Variants in NEGR1 observed in about 807,000 individuals in gnomAD.
The protein encoded by NEGR1 is neuronal growth regulator 1.
In NEGR1, 10 loss-of-function variants were observed where a neutral mutation model predicts 40.9. That is an observed-to-expected ratio of 0.24 (90% CI 0.15 to 0.42). The LOEUF (loss-of-function observed/expected upper bound fraction) is 0.42. Among genes scored for constraint, NEGR1 ranks in the 10% least tolerant of loss-of-function variants. The pLI, the probability that NEGR1 is intolerant of heterozygous loss-of-function variation, is 1.00. For missense variants in NEGR1, 352 were observed against 438.9 expected (o/e 0.80, Z 1.77); for synonymous variants, 185 against 166.8 (o/e 1.11, Z -0.84).
intron 1 of NEGR1, among the ~76,000 whole-genome samples, chr1:72,095,964 T>A (rs1648680815): frequency 1.3e-5 from 2 of 152,210 alleles, no homozygotes; most frequent in South Asian, 4.1e-4. Context: ...AAATAGTGGA[T>A]TAAATATTTC....
intron 6 of NEGR1, among the ~76,000 whole-genome samples, chr1:71,436,229 CAA>C (rs376091954): frequency 7.3e-5 from 9 of 122,840 alleles, no homozygotes; most frequent in African/African-American, 5.8e-5. Flanking sequence ...GTGAATATGG[CAA>C]AAAAAAAAAA....
chr1:72,025,199 C>T (rs1646796122), intron 1 of NEGR1, among the ~76,000 whole-genome samples: 1 of 151,916 alleles, frequency 6.6e-6, no homozygotes, highest in Non-Finnish European at 1.5e-5. Context: ...TTGACTCCAT[C>T]AAAAAAAGCC....
chr1:71,849,456 A>C (rs541221115), intron 2 of NEGR1, among the ~76,000 whole-genome samples: 1 of 152,274 alleles, frequency 6.6e-6, no homozygotes, highest in African/African-American at 2.4e-5. Context: ...CGGATGAATA[A>C]AGAAAATGAT....
At chr1:71,802,150 G>A (rs887015495) in intron 2 of NEGR1, among the ~76,000 whole-genome samples, 2 of 152,176 alleles carry the variant, frequency 1.3e-5, no homozygotes, top group East Asian at 3.9e-4. Context: ...TGCAGCTTGG[G>A]TTTTCCTTAC....
intron 3 of NEGR1, among the ~76,000 whole-genome samples, chr1:71,743,934 G>A (rs144439198): frequency 7.9e-5 from 12 of 152,184 alleles, no homozygotes; most frequent in South Asian, 2.1e-4. Context: ...ATAACTCAAT[G>A]TTTTCTGTCA....
Position 71,611,102 on chromosome 1 carries a change from C to T in NEGR1, c.712G>A (p.Gly238Arg), listed in dbSNP as rs576347795. 7 of 1,613,810 alleles carry T rather than the reference C, an allele frequency of 4.3e-6. No homozygotes were observed. The highest frequency in any genetic ancestry group is 1.6e-4 in the Middle Eastern group (1 of 6,062). Residue 238 changes from glycine to arginine, a missense_variant, in exon 5 of 7, where the codon GGA becomes AGA. Transcript: ENST00000357731. ...TCACATCTTATCAGGCCACTGCGTC[C>T]GGGGGTCACGGTGCCAGATTTAATT... Reference protein sequence around the residue: ...QEIKSGTVTPGRSGLIRCEGA... With the variant: ...QEIKSGTVTPRRSGLIRCEGA...
chr1:71,920,268 A>G (rs1645700493), intron 2 of NEGR1, among the ~76,000 whole-genome samples: 1 of 152,012 alleles, frequency 6.6e-6, no homozygotes, highest in Non-Finnish European at 1.5e-5. Context: ...TTCTTATTCC[A>G]TTTTATGGAA....
At chr1:71,857,523 G>A (rs1197474492) in intron 2 of NEGR1, among the ~76,000 whole-genome samples, 2 of 145,864 alleles carry the variant, frequency 1.4e-5, no homozygotes, top group Non-Finnish European at 3.0e-5. Flanking sequence ...AGCTACTTGA[G>A]GATCTGAAGT....
At chr1:71,945,037 G>A (rs1646005033) in intron 1 of NEGR1, among the ~76,000 whole-genome samples, 1 of 152,034 alleles carries the variant, frequency 6.6e-6, no homozygotes, top group African/African-American at 2.4e-5. Context: ...ATTTTTGAAA[G>A]ATGTTAAGTT....
chr1:71,826,042 T>TA (rs532144953), intron 2 of NEGR1, among the ~76,000 whole-genome samples: 67 of 152,048 alleles, frequency 4.4e-4, no homozygotes, highest in African/African-American at 1.6e-3. Flanking sequence ...TGATAGAAGA[T>TA]ACGCCTCTAT....
At chr1:72,185,261 T>C (rs773751830) in intron 1 of NEGR1, among the ~76,000 whole-genome samples, 3 of 151,996 alleles carry the variant, frequency 2.0e-5, no homozygotes, top group Non-Finnish European at 4.4e-5. Flanking sequence ...ATTTGAATAG[T>C]GTTTAGAATA....
chr1:71,487,449 G>A (rs148395184), intron 6 of NEGR1, among the ~76,000 whole-genome samples: 6 of 151,742 alleles, frequency 4.0e-5, no homozygotes, highest in African/African-American at 1.2e-4. Flanking sequence ...TGGTCCCAGA[G>A]TTTCATGCCT....
At chr1:72,266,028 A>G (rs1457093123) in intron 1 of NEGR1, among the ~76,000 whole-genome samples, 2 of 150,936 alleles carry the variant, frequency 1.3e-5, no homozygotes, top group South Asian at 2.1e-4. Flanking sequence ...GCACCTTACT[A>G]AACTCCTAAG....
intron 1 of NEGR1, among the ~76,000 whole-genome samples, chr1:72,052,576 C>T (rs1647072666): frequency 6.6e-6 from 1 of 151,412 alleles, no homozygotes; most frequent in Non-Finnish European, 1.5e-5. Flanking sequence ...GTATACATAA[C>T]CACATTTCAC....
chr1:72,165,862 T>C (rs1475931043), intron 1 of NEGR1, among the ~76,000 whole-genome samples: 2 of 152,090 alleles, frequency 1.3e-5, no homozygotes, highest in African/African-American at 2.4e-5. Context: ...GAATAATTTC[T>C]AAGTATCTAT....
At chr1:72,114,481 A>G (rs1276765476) in intron 1 of NEGR1, among the ~76,000 whole-genome samples, 1 of 151,746 alleles carries the variant, frequency 6.6e-6, no homozygotes, top group East Asian at 1.9e-4. Context: ...TGACAGATAG[A>G]TAAATAGATA....
chr1:71,446,253 A>G (rs1042225847), intron 6 of NEGR1, among the ~76,000 whole-genome samples: 5 of 152,178 alleles, frequency 3.3e-5, no homozygotes, highest in African/African-American at 9.7e-5. Flanking sequence ...GGTAATAGGC[A>G]TTTCAAATCA....
At chr1:72,260,157 T>C (rs1428535898) in intron 1 of NEGR1, among the ~76,000 whole-genome samples, 1 of 152,066 alleles carries the variant, frequency 6.6e-6, no homozygotes, top group Non-Finnish European at 1.5e-5. Context: ...GAGGTAAAGT[T>C]GCCTAAAGTC....
rs908231129 is a variant in NEGR1 at position 72,020,406 on chromosome 1, T to C, written c.177-85095A>G. 3.9e-5 allele frequency among the ~76,000 whole-genome samples: 6 copies of C among 152,008 alleles called. No individual in the cohort carries two copies. In the South Asian group the frequency reaches 1.2e-3, roughly 32 times the overall value. ...GGATTCTAAAAAGTAGCACCTTTGGTAAGGAAATCAGGAAAAATTATTTTC... is the reference window on the plus strand; with the variant it reads ...GGATTCTAAAAAGTAGCACCTTTGGCAAGGAAATCAGGAAAAATTATTTTC... On this transcript the variant is annotated intron_variant, in intron 1 of 6. Transcript: ENST00000357731.
Sources: gnomAD v4.1 joint callset for allele counts (sites outside exome capture counted in the v4.1 genomes callset) on GRCh38, gnomAD v4.1.1 for gene constraint, MANE v1.5 for transcripts, NCBI Gene and HGNC (gene_info 2026-07-23, HGNC 2026-07-21) for gene names.